Variants in EIF3H observed in about 807,000 individuals in gnomAD.
EIF3H encodes the protein eukaryotic translation initiation factor 3 subunit H.
A neutral mutation model predicts 44.2 loss-of-function variants in EIF3H; 26 were observed. The ratio of observed to expected loss-of-function variants is 0.59; its 90% confidence interval spans 0.43 to 0.82. The LOEUF (loss-of-function observed/expected upper bound fraction) is 0.82. EIF3H is among the 40% of genes least tolerant of loss of function. EIF3H has a pLI of 0.00. For missense variants in EIF3H, 359 were observed against 432.8 expected (o/e 0.83, Z 1.51); for synonymous variants, 166 against 151.9 (o/e 1.09, Z -0.68).
intron 2 of EIF3H, among the ~76,000 whole-genome samples, chr8:116,705,395 C>T (rs1170680468): frequency 1.3e-5 from 2 of 151,514 alleles, no homozygotes; most frequent in Non-Finnish European, 2.9e-5. Flanking sequence ...TAAAGATTCA[C>T]AAGATAGTAA....
Position 116,654,135 on chromosome 8 carries a change from C to G in EIF3H, c.707+1721G>C, listed in dbSNP as rs74583566. Among the ~76,000 whole-genome samples the G allele has an allele frequency of 2.6e-5, 4 of 152,286 alleles. No homozygotes were observed. In the East Asian group the frequency reaches 7.7e-4, roughly 29 times the overall value. ...GCAAAAAAGCACTGCTTCAAAGTTGCTTCATTTTTTTTCCTCCTAACAGGA... is the reference window on the plus strand; with the variant it reads ...GCAAAAAAGCACTGCTTCAAAGTTGGTTCATTTTTTTTCCTCCTAACAGGA... On this transcript the variant is annotated intron_variant, in intron 5 of 7. Coordinates refer to ENST00000521861, the MANE Select transcript of EIF3H (RefSeq NM_003756.3).
intron 2 of EIF3H, among the ~76,000 whole-genome samples, chr8:116,668,906 C>T (rs964978494): frequency 1.3e-4 from 20 of 152,138 alleles, no homozygotes; most frequent in Admixed American, 2.0e-4. Context: ...CTATGATACT[C>T]ATCTGGGTCA....
chr8:116,646,241 A>G (rs140329769), intron 7 of EIF3H, among the ~76,000 whole-genome samples: 8 of 152,334 alleles, frequency 5.3e-5, no homozygotes, highest in African/African-American at 1.7e-4. Flanking sequence ...ATGCCATCTC[A>G]AAAATGTTTA....
At chr8:116,667,224 A>G (rs1813684995) in intron 2 of EIF3H, among the ~76,000 whole-genome samples, 2 of 152,214 alleles carry the variant, frequency 1.3e-5, no homozygotes, top group Admixed American at 6.5e-5. Flanking sequence ...AAGGGAGACA[A>G]ATATCAGATC....
chr8:116,753,086 T>C (rs1403732194), intron 1 of EIF3H, among the ~76,000 whole-genome samples: 2 of 152,162 alleles, frequency 1.3e-5, no homozygotes, highest in Non-Finnish European at 2.9e-5. Flanking sequence ...TGATTTATGG[T>C]AACTGGAAAA....
chr8:116,677,423 C>G (rs1415192182), intron 2 of EIF3H, among the ~76,000 whole-genome samples: 1 of 152,220 alleles, frequency 6.6e-6, no homozygotes, highest in Non-Finnish European at 1.5e-5. Context: ...GGCATATGTT[C>G]TAATGTGGCT....
At chr8:116,730,172 C>T (rs1463153286) in intron 1 of EIF3H, among the ~76,000 whole-genome samples, 2 of 152,140 alleles carry the variant, frequency 1.3e-5, no homozygotes, top group Admixed American at 1.3e-4. Context: ...CAGTAGGATT[C>T]ATTTGGAGCA....
rs1007474765 is a variant in EIF3H, at chr8:116,642,255, A to G, written c.*2751T>C. On this transcript the variant is annotated 3_prime_UTR_variant, in exon 8 of 8. Coordinates refer to ENST00000521861, the MANE Select transcript of EIF3H (RefSeq NM_003756.3). ...ATGGTTTGAAAGTGAAGCTGATACA[A>G]GTTTTCTAAAGGATGTTAAAAAACT... 26 of 152,182 alleles carry G rather than the reference A, an allele frequency of 1.7e-4. No homozygotes were observed. The highest frequency in any genetic ancestry group is 3.7e-4 in the Non-Finnish European group (25 of 68,014). 9.4% of individuals were successfully genotyped at this position (152,182 alleles called of 1,614,324 possible).
At chr8:116,728,053 A>G (rs1168986977) in intron 1 of EIF3H, among the ~76,000 whole-genome samples, 1 of 152,184 alleles carries the variant, frequency 6.6e-6, no homozygotes, top group Non-Finnish European at 1.5e-5. Flanking sequence ...ATTACAACAC[A>G]TGGCTTTTTA....
chr8:116,677,504 T>C (rs1813869476), intron 2 of EIF3H, among the ~76,000 whole-genome samples: 2 of 152,230 alleles, frequency 1.3e-5, no homozygotes, highest in African/African-American at 4.8e-5. Flanking sequence ...GCATTCCAGT[T>C]TGTATGGTGA....
At chr8:116,736,535 G>A (rs919468747) in intron 1 of EIF3H, among the ~76,000 whole-genome samples, 12 of 152,050 alleles carry the variant, frequency 7.9e-5, no homozygotes, top group African/African-American at 2.2e-4. Context: ...GGTGGCACGC[G>A]CCTATAGTTC....
chr8:116,666,070 C>T (rs1218713295), intron 2 of EIF3H, among the ~76,000 whole-genome samples: 5 of 152,118 alleles, frequency 3.3e-5, no homozygotes, highest in South Asian at 2.1e-4. Context: ...CAATTTTTCA[C>T]AATGAAGTGT....
chr8:116,681,524 G>A (rs1050170076), intron 2 of EIF3H, among the ~76,000 whole-genome samples: 1 of 151,788 alleles, frequency 6.6e-6, no homozygotes, highest in South Asian at 2.1e-4. Flanking sequence ...AAATTAGCTG[G>A]GCGTGGTGGC....
At chr8:116,751,217 A>AAAAAT (rs369075600) in intron 1 of EIF3H, among the ~76,000 whole-genome samples, 62,070 of 147,174 alleles carry the variant, frequency 0.42, 16,640 homozygotes, top group Non-Finnish European at 0.6. Context: ...GTCTCAAAAA[A>AAAAAT]AAAATAAAAT....
At chr8:116,673,629 AT>A (rs1295928449) in intron 2 of EIF3H, among the ~76,000 whole-genome samples, 4 of 152,204 alleles carry the variant, frequency 2.6e-5, no homozygotes, top group African/African-American at 9.7e-5. Context: ...CTTTATTGGC[AT>A]TAACTGTGTC....
intron 1 of EIF3H, among the ~76,000 whole-genome samples, chr8:116,728,184 CACATT>C (rs751202791): frequency 3.3e-5 from 5 of 152,116 alleles, no homozygotes; most frequent in Non-Finnish European, 7.4e-5. Flanking sequence ...TTAATAACAG[CACATT>C]ACATTTACTA....
chr8:116,712,698 A>G (rs1049767094), intron 2 of EIF3H, among the ~76,000 whole-genome samples: 2 of 152,142 alleles, frequency 1.3e-5, no homozygotes, highest in African/African-American at 4.8e-5. Context: ...ACAATCTCAA[A>G]ACAGATAAAG....
At chr8:116,675,267 CTT>C (rs1415199061) in intron 2 of EIF3H, among the ~76,000 whole-genome samples, 2 of 152,192 alleles carry the variant, frequency 1.3e-5, no homozygotes, top group East Asian at 3.8e-4. Flanking sequence ...TATTTACACT[CTT>C]GTTTTTCAAC....
intron 2 of EIF3H, among the ~76,000 whole-genome samples, chr8:116,676,446 T>G (rs560400549): frequency 6.6e-5 from 10 of 152,278 alleles, no homozygotes; most frequent in African/African-American, 2.4e-4. Flanking sequence ...GATGAAGTGC[T>G]GAGCAAAGGG....
Sources: gnomAD v4.1 joint callset for allele counts (sites outside exome capture counted in the v4.1 genomes callset) on GRCh38, gnomAD v4.1.1 for gene constraint, MANE v1.5 for transcripts, NCBI Gene and HGNC (gene_info 2026-07-23, HGNC 2026-07-21) for gene names.